The following MAST4 variants were observed in gnomAD, a reference collection of about 807,000 sequenced individuals.
MAST4 encodes the protein microtubule-associated serine/threonine-protein kinase 4.
In MAST4, 89 loss-of-function variants were observed where a neutral mutation model predicts 162.7. The observed-to-expected ratio is 0.55, with a 90% CI of 0.46 to 0.65. The LOEUF (loss-of-function observed/expected upper bound fraction) is 0.65, where lower values mean the gene tolerates loss of function less well. Among genes scored for constraint, MAST4 ranks in the 30% least tolerant of loss-of-function variants. The pLI, the probability that MAST4 is intolerant of heterozygous loss-of-function variation, is 0.00. For missense variants in MAST4, 3,153 were observed against 3,374.0 expected, an observed-to-expected ratio of 0.93 and a Z score of 1.62; for synonymous variants, 1,479 against 1,361.1, an observed-to-expected ratio of 1.09 and a Z score of -1.91.
Position 67,162,694 on chromosome 5 carries a change from G to A in MAST4, c.3873G>A (p.Leu1291=), listed in dbSNP as rs1285953036. 10 of 1,613,852 alleles carry A rather than the reference G, an allele frequency of 6.2e-6. No homozygotes were observed. The highest frequency in any genetic ancestry group is 8.5e-6 in the Non-Finnish European group (10 of 1,179,868). ...SRSFSCLNRS[L]SSGESLPGSP... is the part of the protein sequence containing the mutation. Reference sequence around the variant, plus strand: ...GTTTCTCCTGCTTGAACAGATCCCTGTCATCGGGTGAGAGCCTCCCAGGTT... The same window carrying A: ...GTTTCTCCTGCTTGAACAGATCCCTATCATCGGGTGAGAGCCTCCCAGGTT... Residue 1291 remains leucine, a synonymous_variant, in exon 28 of 29, where the codon CTG becomes CTA. Coordinates refer to ENST00000403625, the MANE Select transcript of MAST4 (RefSeq NM_001164664.2).
At position 66,737,768 on chromosome 5, in the gene MAST4, A is replaced by G. The variant is rs573559224; in HGVS notation, c.364-21941A>G. Among the ~76,000 whole-genome samples the G allele has an allele frequency of 3.9e-5, 6 of 152,318 alleles. No homozygotes were observed. The East Asian group carries it at 1.2e-3, about 29-fold the overall frequency. ...GCTAATATTGATCACTCCTTACAGC[A>G]TAATTTCCAAGTCACTCTCTTGACT... On this transcript the variant is annotated intron_variant, in intron 1 of 28. Transcript: ENST00000403625.
At position 67,039,021 on chromosome 5, in the gene MAST4, T is replaced by C. The variant is rs62372504; in HGVS notation, c.675-15383T>C. Among the ~76,000 whole-genome samples the C allele has an allele frequency of 7.8e-3, 1,190 of 152,222 alleles. 10 individuals carry two copies. The highest frequency in any genetic ancestry group is 9.8e-3 in the Non-Finnish European group (663 of 67,982). ...TTATGATTATACTTGAATGGAAATA[T>C]GTTATGACCACAAAGCCAAAGGAAT... On this transcript the variant is annotated intron_variant, in intron 4 of 28. Transcript: ENST00000403625.
intron 3 of MAST4, among the ~76,000 whole-genome samples, chr5:66,867,913 G>A (rs190382589): frequency 6.6e-6 from 1 of 152,354 alleles, no homozygotes; most frequent in Non-Finnish European, 1.5e-5. Flanking sequence ...GAATGACAGT[G>A]CCAGAGTCTG....
chr5:66,953,908 C>T (rs1001258250), intron 4 of MAST4, among the ~76,000 whole-genome samples: 6 of 152,170 alleles, frequency 3.9e-5, no homozygotes, highest in Admixed American at 6.5e-5. Flanking sequence ...TTCCCTGCTG[C>T]AAAGGGTAAA....
At chr5:66,858,490 A>G (rs1323335730) in intron 3 of MAST4, among the ~76,000 whole-genome samples, 1 of 151,934 alleles carries the variant, frequency 6.6e-6, no homozygotes, top group African/African-American at 2.4e-5. Flanking sequence ...CTACATTCAC[A>G]TTGGTGTTAG....
chr5:66,807,556 G>A (rs140985640), intron 3 of MAST4, among the ~76,000 whole-genome samples: 76 of 151,286 alleles, frequency 5.0e-4, no homozygotes, highest in Admixed American at 8.6e-4. Flanking sequence ...TCACCCTGTT[G>A]TGCTTTCATA....
rs560191139 is a variant in MAST4 at position 66,977,428 on chromosome 5, G to T, written c.675-76976G>T. Among the ~76,000 whole-genome samples the T allele has an allele frequency of 3.9e-5, 6 of 152,198 alleles. No homozygotes were observed. In the South Asian group the frequency reaches 8.3e-4, roughly 21 times the overall value. On this transcript the variant is annotated intron_variant, in intron 4 of 28. Transcript: ENST00000403625. ...CAGACATTTTTAGAACACCCCACAT[G>T]ATCTCTTGATTGAGAAAGTAGAAAA...
At chr5:67,114,263 T>G in intron 12 of MAST4, 44 bp downstream of exon 12, 1 of 1,578,380 alleles carries the variant, frequency 6.3e-7, no homozygotes, top group Non-Finnish European at 8.6e-7. Context: ...GCTTATGCAC[T>G]GTCGCCTCAT....
intron 4 of MAST4, among the ~76,000 whole-genome samples, chr5:67,018,896 T>G (rs980515277): frequency 6.6e-6 from 1 of 152,200 alleles, no homozygotes; most frequent in Non-Finnish European, 1.5e-5. Flanking sequence ...TTTAAATACA[T>G]GGCTCAAGAC....
At chr5:67,138,516 C>A (rs969443347) in intron 19 of MAST4, among the ~76,000 whole-genome samples, 1 of 151,874 alleles carries the variant, frequency 6.6e-6, no homozygotes, top group African/African-American at 2.4e-5. Flanking sequence ...CCATTGCAAC[C>A]TCCGCCTCCC....
chr5:66,820,287 T>C (rs143464325), intron 3 of MAST4, among the ~76,000 whole-genome samples: 1 of 152,358 alleles, frequency 6.6e-6, no homozygotes, highest in East Asian at 1.9e-4. Context: ...GGAATCTGTG[T>C]TTCAGAAGCT....
chr5:66,965,231 T>G (rs1266386093), intron 4 of MAST4, among the ~76,000 whole-genome samples: 1 of 149,716 alleles, frequency 6.7e-6, no homozygotes, highest in African/African-American at 2.5e-5. Flanking sequence ...TTTGCTTTTT[T>G]TTTTTTTTTT....
chr5:66,806,739 A>G lies in MAST4; in HGVS notation c.642+17945A>G, dbSNP rs548767714. ...ACAACCATTCTTAACATCTTTAAGC[A>G]TACATTTTCTTTTTGTGCATCCTAG... On this transcript the variant is annotated intron_variant, in intron 3 of 28. Coordinates refer to ENST00000403625, the MANE Select transcript of MAST4 (RefSeq NM_001164664.2). Among the ~76,000 whole-genome samples, 5 of 152,362 alleles carry G rather than the reference A, an allele frequency of 3.3e-5. No individual in the cohort carries two copies. The South Asian group carries it at 1.0e-3, about 32-fold the overall frequency.
Position 67,164,312 on chromosome 5 carries a change from A to C in MAST4, c.5133A>C (p.Thr1711=). The C allele has an allele frequency of 6.2e-7, 1 of 1,614,006 alleles. No homozygotes were observed. Residue 1711 remains threonine (T), a synonymous_variant, in exon 29 of 29, where the codon ACA becomes ACC. Transcript: ENST00000403625. The surrounding 1 kb of genome is among the most constrained non-coding windows in gnomAD (Gnocchi z 5.3). ...NLCPVLKPKM[T]AGSHECLPGN... ...GCCCTGTGCTGAAGCCCAAGATGAC[A>C]GCTGGCTCCCACGAATGCCTGCCAG...
chr5:67,063,731 T>C (rs1759908085), intron 5 of MAST4, among the ~76,000 whole-genome samples: 1 of 152,182 alleles, frequency 6.6e-6, no homozygotes, highest in Admixed American at 6.5e-5. Flanking sequence ...TGCAGCATTT[T>C]TGTTGTGTTT....
chr5:67,046,373 GA>G, intron 4 of MAST4, among the ~76,000 whole-genome samples: 1 of 152,216 alleles, frequency 6.6e-6, no homozygotes, highest in Middle Eastern at 3.4e-3. Flanking sequence ...TATTGTTTAT[GA>G]AAATGTGTTT....
rs79502280 is a variant in MAST4, at chr5:66,873,554, G to C, written c.643-26397G>C. On this transcript the variant is annotated intron_variant, in intron 3 of 28. Coordinates refer to ENST00000403625, the MANE Select transcript of MAST4 (RefSeq NM_001164664.2). ...AAGTGTGTTCCGATAGAAATGTTTAGCTTTACAATGGCAATATGATATGGT... is the reference window on the plus strand; with the variant it reads ...AAGTGTGTTCCGATAGAAATGTTTACCTTTACAATGGCAATATGATATGGT... Among the ~76,000 whole-genome samples the C allele has an allele frequency of 2.1e-3, 316 of 152,272 alleles. 1 individual carries two copies. Among genetic ancestry groups the C allele is most frequent in the African/African-American group, 7.0e-3 (291 of 41,552 alleles).
intron 3 of MAST4, among the ~76,000 whole-genome samples, chr5:66,837,398 A>G (rs1758053274): frequency 6.6e-6 from 1 of 152,076 alleles, no homozygotes; most frequent in Admixed American, 6.6e-5. Context: ...TTTACTTTAT[A>G]ATTAGTTAAA....
At chr5:67,146,571 A>T (rs150390874) in intron 23 of MAST4, among the ~76,000 whole-genome samples, 359 of 152,344 alleles carry the variant, frequency 2.4e-3, no homozygotes, top group Non-Finnish European at 3.5e-3. Context: ...ACATTTTTTA[A>T]ACTAACTGAA....
Sources: gnomAD v4.1 joint callset for allele counts (sites outside exome capture counted in the v4.1 genomes callset) on GRCh38, gnomAD v4.1.1 for gene constraint, Gnocchi (gnomAD v3.1) non-coding constraint, MANE v1.5 for transcripts, NCBI Gene and HGNC (gene_info 2026-07-23, HGNC 2026-07-21) for gene names.